The following GLYATL1 variants were observed in gnomAD, a reference collection of about 807,000 sequenced individuals.
The protein encoded by GLYATL1 is glycine-N-acyltransferase like 1.
GLYATL1 carries 15 observed loss-of-function variants against 20.0 expected under a neutral mutation model. The observed-to-expected ratio is 0.75, with a 90% CI of 0.50 to 1.15. The LOEUF (loss-of-function observed/expected upper bound fraction) is 1.15. GLYATL1 is among the 50% of genes most tolerant of loss of function. The pLI is 0.00. For synonymous variants in GLYATL1, 151 were observed against 131.5 expected, an observed-to-expected ratio of 1.15 and a Z score of -1.01; for missense variants, 380 against 368.5, an observed-to-expected ratio of 1.03 and a Z score of -0.26.
chr11:58,954,839 G>A lies in GLYATL1; in HGVS notation c.256G>A (p.Glu86Lys). The change falls in exon 5 of 7, where the codon GAA (glutamate) becomes AAA (lysine). Residue 86 changes from glutamate (E) to lysine (K), a missense_variant. Transcript: ENST00000532726. ...GTTCTCCAAAGAGCCTCAAAAATCA[G>A]AAGAAGTTTTGAAAAATTGTGAGAT... ...RMFSKEPQKS[E>K]EVLKNCEIVN... 1 of 1,613,074 alleles carries A rather than the reference G, an allele frequency of 6.2e-7. No individual in the cohort carries two copies. Among genetic ancestry groups the A allele is most frequent in the Non-Finnish European group, 8.5e-7 (1 of 1,179,460 alleles).
upstream of GLYATL1, among the ~76,000 whole-genome samples, chr11:58,939,058 A>G (rs1187949632): frequency 1.3e-5 from 2 of 152,192 alleles, no homozygotes; most frequent in Admixed American, 6.5e-5. Context: ...TTGTATAAAC[A>G]TAGAAATTGA....
chr11:58,920,957 G>C (rs907790685), intron 1 of GLYATL1, among the ~76,000 whole-genome samples: 18 of 152,180 alleles, frequency 1.2e-4, no homozygotes, highest in African/African-American at 4.1e-4. Flanking sequence ...ACTTGAGTCA[G>C]GACTCCTATG....
At chr11:58,955,070 A>C in intron 5 of GLYATL1, 106 bp from the exon 6 acceptor site, 1 of 1,273,464 alleles carries the variant, frequency 7.9e-7, no homozygotes, top group East Asian at 2.3e-5. Flanking sequence ...CTGTGGTGTA[A>C]ACTCAAGTTT....
rs1255175307 is a variant in GLYATL1 at position 58,955,974 on chromosome 11, T to C, written c.856T>C (p.Ser286Pro). The C allele has an allele frequency of 1.2e-6, 2 of 1,613,782 alleles. No individual in the cohort carries two copies. Among genetic ancestry groups the C allele is most frequent in the African/African-American group, 2.7e-5 (2 of 74,942 alleles). ...GGGGCAGTTTGGTTTCTTTGAGGCCTCCTGTGAGTGGCACCAATGGACTTG... is the reference window on the plus strand; with the variant it reads ...GGGGCAGTTTGGTTTCTTTGAGGCCCCCTGTGAGTGGCACCAATGGACTTG... ...FVGQFGFFEASCEWHQWTCYP... is the reference protein window; with the variant it reads ...FVGQFGFFEAPCEWHQWTCYP... Residue 286 changes from serine (S) to proline (P), a missense_variant, in exon 7 of 7, where the codon TCC becomes CCC. Coordinates refer to ENST00000532726, the MANE Select transcript of GLYATL1 (RefSeq NM_001389712.2).
chr11:58,933,183 G>A (rs1855677629), intron 1 of GLYATL1, among the ~76,000 whole-genome samples: 1 of 152,172 alleles, frequency 6.6e-6, no homozygotes, highest in Non-Finnish European at 1.5e-5. Context: ...AAATGCCTCT[G>A]ACATATCCAA....
intron 1 of GLYATL1, among the ~76,000 whole-genome samples, chr11:58,931,218 C>G (rs1855586412): frequency 6.6e-6 from 1 of 152,148 alleles, no homozygotes; most frequent in African/African-American, 2.4e-5. Flanking sequence ...TCCTATGGGT[C>G]TTTGCGTCAT....
intron 4 of GLYATL1, 50 bp downstream of exon 4, chr11:58,948,015 G>C: frequency 8.0e-7 from 1 of 1,242,794 alleles, no homozygotes; most frequent in South Asian, 1.2e-5. Context: ...CACAGGGCCT[G>C]AGGAACTGAC....
At chr11:58,941,754 C>T (rs887435117) in intron 1 of GLYATL1, among the ~76,000 whole-genome samples, 2 of 152,142 alleles carry the variant, frequency 1.3e-5, no homozygotes, top group African/African-American at 4.8e-5. Flanking sequence ...GGTCTAGGAC[C>T]TGACTGGACA....
intron 1 of GLYATL1, among the ~76,000 whole-genome samples, chr11:58,914,416 T>C (rs1855120442): frequency 6.6e-6 from 1 of 152,204 alleles, no homozygotes; most frequent in Non-Finnish European, 1.5e-5. Flanking sequence ...GTCAGAGGTC[T>C]CCGGATGGCT....
In GLYATL1 at chr11:58,907,058, T is replaced by A. The variant is rs191843166; in HGVS notation, n.239-183T>A. Among the ~76,000 whole-genome samples the A allele has an allele frequency of 2.6e-5, 4 of 152,288 alleles. No homozygotes were observed. In the East Asian group the frequency reaches 5.8e-4, roughly 22 times the overall value. The stretch of plus-strand genomic sequence containing the variant: ...TAATTTAGAAATGAGGAAATGGGGA[T>A]CCCTAACAGAGGTACAGGGAGAGGG... On this transcript the variant is annotated intron_variant and non_coding_transcript_variant, in intron 1 of 1. Coordinates refer to the GLYATL1 transcript ENST00000524629.
At chr11:58,907,775 G>A (rs1030055546) in exon 2 of GLYATL1, 4 of 188,234 alleles carry the variant, frequency 2.1e-5, no homozygotes, top group Non-Finnish European at 4.5e-5. Flanking sequence ...GTTCCAGTAC[G>A]TTGTTATTTT....
At chr11:58,928,514 A>G (rs1245746243) in intron 1 of GLYATL1, 1 of 152,190 alleles carries the variant, frequency 6.6e-6, no homozygotes, top group Non-Finnish European at 1.5e-5. Context: ...AGCTCTCCTC[A>G]CATGGGGCAC....
chr11:58,917,139 T>C (rs1855192922), intron 1 of GLYATL1: 1 of 152,214 alleles, frequency 6.6e-6, no homozygotes, highest in South Asian at 2.1e-4. Context: ...GATTCAGTTC[T>C]AGGAAGTGAG....
At chr11:58,921,733 C>A (rs1209890001) in intron 1 of GLYATL1, among the ~76,000 whole-genome samples, 2 of 152,316 alleles carry the variant, frequency 1.3e-5, no homozygotes, top group South Asian at 4.1e-4. Flanking sequence ...TTTTCCCAAG[C>A]CTCCGTTCAG....
chr11:58,955,474 C>G, intron 6 of GLYATL1, 121 bp downstream of exon 6: 2 of 1,376,184 alleles, frequency 1.5e-6, no homozygotes, highest in South Asian at 2.8e-5. Flanking sequence ...TAAAGGTTGT[C>G]AAAGTTCAAG....
rs763875805 is a variant in GLYATL1, at chr11:58,955,902, T to A, written c.784T>A (p.Phe262Ile). Residue 262 changes from phenylalanine (F) to isoleucine (I), a missense_variant, in exon 7 of 7, where the codon TTT becomes ATT. Physicochemically the swap from Phe to Ile is conservative, Grantham distance 21. Transcript: ENST00000532726. ...MKYLRQKNIP[F>I]YISVLEENED... ...ATATCTGCGTCAGAAGAATATTCCA[T>A]TTTACATCTCTGTGTTGGAAGAAAA... 1.7e-5 allele frequency: 27 copies of A among 1,614,072 alleles called. No individual in the cohort carries two copies. Among genetic ancestry groups the A allele is most frequent in the Non-Finnish European group, 2.3e-5 (27 of 1,180,034 alleles).
At chr11:58,907,733 T>A (rs182133516) in exon 2 of GLYATL1, 1 of 202,630 alleles carries the variant, frequency 4.9e-6, no homozygotes, top group East Asian at 1.2e-4. Flanking sequence ...GTGCCAAAAA[T>A]TTTTACATTC....
intron 4 of GLYATL1, among the ~76,000 whole-genome samples, chr11:58,951,094 G>T (rs1856958871): frequency 6.6e-6 from 1 of 151,574 alleles, no homozygotes; most frequent in Admixed American, 6.6e-5. Flanking sequence ...TGAGGTTTTG[G>T]GTTTTTTTAG....
exon 2 of GLYATL1, chr11:58,907,748 C>A: frequency 4.9e-6 from 1 of 205,716 alleles, no homozygotes; most frequent in Non-Finnish European, 1.0e-5. Context: ...ACATTCCTAT[C>A]AATATTCTTG....
Sources: allele counts gnomAD v4.1 joint callset (sites outside exome capture counted in the v4.1 genomes callset), GRCh38; gene constraint gnomAD v4.1.1; transcripts MANE v1.5; gene names NCBI Gene and HGNC (gene_info 2026-07-23, HGNC 2026-07-21).